The following SMURF1 variants were observed in gnomAD, a reference collection of about 807,000 sequenced individuals.
SMURF1 encodes the protein SMAD specific E3 ubiquitin protein ligase 1, also known as E3 ubiquitin-protein ligase SMURF1.
In SMURF1, 44 loss-of-function variants were observed where a neutral mutation model predicts 98.0. The ratio of observed to expected loss-of-function variants is 0.45; its 90% CI spans 0.35 to 0.58. The LOEUF is 0.58. Ranked by LOEUF, SMURF1 falls within the 20% of genes least tolerant of loss-of-function variation. The probability of loss-of-function intolerance (pLI) is 0.00; values close to 1 mark genes in which losing one functional copy is unlikely to be tolerated. For missense variants in SMURF1, 687 were observed against 938.4 expected, an observed-to-expected ratio of 0.73 and a Z score of 3.50; for synonymous variants, 396 against 374.9, an observed-to-expected ratio of 1.06 and a Z score of -0.65.
chr7:99,112,729 A>C (rs1010818227), intron 1 of SMURF1, among the ~76,000 whole-genome samples: 3 of 152,200 alleles, frequency 2.0e-5, no homozygotes, highest in Non-Finnish European at 4.4e-5. Flanking sequence ...GAAGAGCTAA[A>C]AACAAAAACA....
chr7:99,100,272 C>G (rs542548039), intron 1 of SMURF1, among the ~76,000 whole-genome samples: 1 of 152,222 alleles, frequency 6.6e-6, no homozygotes, highest in South Asian at 2.1e-4. Context: ...AACGCCATTC[C>G]GGCCCTGCCC....
intron 14 of SMURF1, 32 bp downstream of exon 14, chr7:99,038,356 G>A: frequency 6.2e-7 from 1 of 1,610,670 alleles, no homozygotes; most frequent in Non-Finnish European, 8.5e-7. Flanking sequence ...CCGCGCCCCA[G>A]GCACCTGGCC....
intron 1 of SMURF1, among the ~76,000 whole-genome samples, chr7:99,085,969 T>C (rs1207499941): frequency 6.6e-6 from 1 of 152,068 alleles, no homozygotes; most frequent in African/African-American, 2.4e-5. Context: ...CCAAAGAAGA[T>C]AAACAAATGG....
chr7:99,041,987 C>T, intron 12 of SMURF1, 131 bp downstream of exon 12: 1 of 713,988 alleles, frequency 1.4e-6, no homozygotes, highest in Non-Finnish European at 2.4e-6. Context: ...CACTTTACCT[C>T]TCCATGTTTT....
chr7:99,051,145 CT>C (rs1795744629), intron 8 of SMURF1, among the ~76,000 whole-genome samples: 1 of 152,194 alleles, frequency 6.6e-6, no homozygotes, highest in Admixed American at 6.5e-5. Flanking sequence ...CATGGTCAAC[CT>C]TGTTTCAAAG....
chr7:99,038,308 C>T (rs888999201), intron 14 of SMURF1, 80 bp downstream of exon 14: 2 of 1,532,552 alleles, frequency 1.3e-6, no homozygotes, highest in Admixed American at 3.6e-5. Context: ...GCAGGCCTCA[C>T]ACAGCGAAGG....
At chr7:99,039,745 G>A (rs1038750446) in intron 13 of SMURF1, among the ~76,000 whole-genome samples, 1 of 152,150 alleles carries the variant, frequency 6.6e-6, no homozygotes, top group Non-Finnish European at 1.5e-5. Context: ...ACAACCAGGA[G>A]CCCCGACTCC....
chr7:99,061,489 A>G lies in SMURF1; in HGVS notation c.94+310T>C, dbSNP rs999438654. Among the ~76,000 whole-genome samples the G allele has an allele frequency of 6.6e-5, 10 of 152,356 alleles. No homozygotes were observed. The East Asian group carries it at 1.7e-3, about 26-fold the overall frequency. ...TTTTATACAAAAGTATTTCATTTGT[A>G]TTAGAGCTGAGAATACATCATCCAG... On this transcript the variant is annotated intron_variant, in intron 2 of 17. Transcript: ENST00000361368.
rs138171931 is a variant in SMURF1 at position 99,054,833 on chromosome 7, C to T, written c.436G>A (p.Gly146Ser). Residue 146 changes from glycine to serine, a missense_variant, in exon 6 of 18, where the codon GGC (glycine) becomes AGC (serine). By Grantham distance (56) the Gly-to-Ser change is moderately conservative (BLOSUM62 0). Around this residue, in one of 2 missense-constraint regions of SMURF1, gnomAD observed 415 missense variants for 508.4 expected, o/e 0.82. Coordinates refer to ENST00000361368, the MANE Select transcript of SMURF1 (RefSeq NM_181349.3). ...SLQTRDRIGTGGSVVDCRGLL... is the reference protein window; with the variant it reads ...SLQTRDRIGTSGSVVDCRGLL... ...CCTCTGCAGTCCACCACCGAGCCGC[C>T]GGTTCCTATTCTGTCTCGTGTCTGT... 1.2e-6 allele frequency: 2 copies of T among 1,613,706 alleles called. No homozygotes were observed. Among genetic ancestry groups the T allele is most frequent in the South Asian group, 2.2e-5 (2 of 91,062 alleles).
At chr7:99,140,587 A>C (rs981131594) in intron 1 of SMURF1, among the ~76,000 whole-genome samples, 1 of 151,914 alleles carries the variant, frequency 6.6e-6, no homozygotes, top group African/African-American at 2.4e-5. Flanking sequence ...GCGCCCAGCT[A>C]ATTTTTTGTA....
intron 7 of SMURF1, among the ~76,000 whole-genome samples, chr7:99,051,904 T>C: frequency 6.6e-6 from 1 of 152,244 alleles, no homozygotes; most frequent in South Asian, 2.1e-4. Context: ...ATCCCAGCAC[T>C]TGGGCGGCTG....
chr7:99,065,474 T>A (rs1796166856), intron 1 of SMURF1, among the ~76,000 whole-genome samples: 1 of 152,202 alleles, frequency 6.6e-6, no homozygotes, highest in South Asian at 2.1e-4. Flanking sequence ...GTGAATGGAA[T>A]CCTTCCTTTT....
At chr7:99,066,083 C>G (rs945430790) in intron 1 of SMURF1, among the ~76,000 whole-genome samples, 2 of 151,792 alleles carry the variant, frequency 1.3e-5, no homozygotes, top group Non-Finnish European at 2.9e-5. Context: ...ACTACATGTT[C>G]TCCCTTTTTC....
intron 9 of SMURF1, 60 bp downstream of exon 9, chr7:99,049,502 TC>T: frequency 6.5e-7 from 1 of 1,536,162 alleles, no homozygotes. Context: ...AAAATACCAG[TC>T]CAAGAAAGCA....
chr7:99,083,728 A>AC (rs565351178), intron 1 of SMURF1, among the ~76,000 whole-genome samples: 13 of 152,134 alleles, frequency 8.5e-5, no homozygotes, highest in Middle Eastern at 3.4e-3. Context: ...TGGATTTCAA[A>AC]CCCCCCCAAA....
intron 1 of SMURF1, among the ~76,000 whole-genome samples, chr7:99,136,708 T>C (rs560398370): frequency 1.3e-5 from 2 of 152,314 alleles, no homozygotes; most frequent in Admixed American, 1.3e-4. Flanking sequence ...CCACGTACTT[T>C]GGGAGGCTGA....
intron 8 of SMURF1, 128 bp downstream of exon 8, chr7:99,051,229 A>T: frequency 1.1e-6 from 1 of 882,332 alleles, no homozygotes; most frequent in Non-Finnish European, 1.9e-6. Context: ...AGGAAATCCC[A>T]GACATCAATA....
intron 1 of SMURF1, among the ~76,000 whole-genome samples, chr7:99,066,409 G>A (rs1254971585): frequency 1.3e-5 from 2 of 152,210 alleles, no homozygotes; most frequent in African/African-American, 4.8e-5. Flanking sequence ...CAATGTTTGA[G>A]TTTAAGGCTC....
At chr7:99,067,454 T>C (rs533172312) in intron 1 of SMURF1, among the ~76,000 whole-genome samples, 1 of 152,298 alleles carries the variant, frequency 6.6e-6, no homozygotes, top group South Asian at 2.1e-4. Context: ...AGCACCCCTC[T>C]ACCTTAGCCA....
Sources: allele counts gnomAD v4.1 joint callset (sites outside exome capture counted in the v4.1 genomes callset), GRCh38; gene constraint gnomAD v4.1.1; regional missense constraint gnomAD v4.1.1; transcripts MANE v1.5; gene names NCBI Gene and HGNC (gene_info 2026-07-23, HGNC 2026-07-21).